PCF11: variants seen among roughly 807,000 people sequenced by gnomAD.
PCF11 encodes PCF11 cleavage and polyadenylation factor subunit, also known as pre-mRNA cleavage complex 2 protein Pcf11.
In PCF11, 19 loss-of-function variants were observed where a neutral mutation model predicts 166.1. That is an observed-to-expected ratio of 0.11 (90% CI 0.08 to 0.17). The LOEUF (loss-of-function observed/expected upper bound fraction) is 0.17. Among genes scored for constraint, PCF11 ranks in the 10% least tolerant of loss-of-function variants. PCF11 has a pLI of 1.00. For missense variants in PCF11, 1,565 were observed against 1,855.5 expected, an observed-to-expected ratio of 0.84 and a Z score of 2.88; for synonymous variants, 663 against 644.1, an observed-to-expected ratio of 1.03 and a Z score of -0.44.
At chr11:83,176,036 C>A (rs780741205) in intron 9 of PCF11, among the ~76,000 whole-genome samples, 1 of 152,124 alleles carries the variant, frequency 6.6e-6, no homozygotes, top group Non-Finnish European at 1.5e-5. Context: ...TTTCCTGTTA[C>A]GTCAGGGAGC....
chr11:83,169,740 T>A lies in PCF11; in HGVS notation c.3405T>A (p.Tyr1135Ter). ...TATCTTTCAATCAGACTGGTCCATA[T>A]AATGATCCACCTGGCAATGCTTTTA... Residue 1135 changes from tyrosine (Y) to a stop codon, truncating the protein, a stop_gained, in exon 8 of 16, where the codon TAT becomes TAA. Transcript: ENST00000298281. LOFTEE classifies it high-confidence loss of function. The A allele has an allele frequency of 6.2e-7, 1 of 1,613,932 alleles. No homozygotes were observed. Among genetic ancestry groups the A allele is most frequent in the South Asian group, 1.1e-5 (1 of 91,088 alleles).
chr11:83,177,164 A>G (rs1377913930), exon 10 of PCF11: 1 of 1,576,516 alleles, frequency 6.3e-7, no homozygotes, highest in Non-Finnish European at 8.6e-7. Flanking sequence ...TGCTAAAAAC[A>G]GGAATTCTCA....
At chr11:83,183,650 C>G (rs557825742) in intron 15 of PCF11, among the ~76,000 whole-genome samples, 3 of 152,072 alleles carry the variant, frequency 2.0e-5, no homozygotes, top group Non-Finnish European at 4.4e-5. Context: ...ACCACCACAC[C>G]TGGCTAATTT....
intron 11 of PCF11, among the ~76,000 whole-genome samples, chr11:83,178,806 G>A (rs1370672315): frequency 6.9e-6 from 1 of 145,522 alleles, no homozygotes; most frequent in African/African-American, 2.6e-5. Flanking sequence ...GAGCGAGACT[G>A]TGTCTCAAAA....
chr11:83,164,472 G>T, intron 4 of PCF11, 71 bp downstream of exon 4: 1 of 1,096,534 alleles, frequency 9.1e-7, no homozygotes, highest in East Asian at 2.6e-5. Context: ...GTTTATGTTT[G>T]AATTTTATTA....
At chr11:83,186,833 C>G (rs950719622) in exon 16 of PCF11, 2 of 152,188 alleles carry the variant, frequency 1.3e-5, no homozygotes, top group African/African-American at 4.8e-5. Flanking sequence ...GCAAAACTTC[C>G]TGTTGAACAT....
exon 16 of PCF11, chr11:83,186,244 A>G (rs2135454836): frequency 6.6e-6 from 1 of 152,368 alleles, no homozygotes; most frequent in African/African-American, 2.4e-5. Context: ...AAGTGGTGAC[A>G]TTTGAGTCTT....
Position 83,185,856 on chromosome 11 carries a change from A to G in PCF11, c.*962A>G, listed in dbSNP as rs541190802. The G allele has an allele frequency of 4.6e-5, 7 of 152,748 alleles. No individual in the cohort carries two copies. In the South Asian group the frequency reaches 1.0e-3, roughly 23 times the overall value. 9.5% of individuals were successfully genotyped at this position (152,748 alleles called of 1,614,324 possible). On this transcript the variant is annotated 3_prime_UTR_variant, in exon 16 of 16. Transcript: ENST00000298281. The stretch of plus-strand genomic sequence containing the variant: ...GAATGTGACTTTCTTGTTGTCTTTC[A>G]TCTGTTTTTTGAAACATGAACATGG...
chr11:83,168,900 G>GTTTGAGGGATCTCCAGGTGGTTTGAGA, exon 8 of PCF11: 1 of 1,613,654 alleles, frequency 6.2e-7, no homozygotes, highest in Admixed American at 1.7e-5. Flanking sequence ...CTGGTCTGAG[G>GTTTGAGGGATCTCCAGGTGGTTTGAGA]TTTGAGGGAT....
At chr11:83,181,022 T>C in exon 12 of PCF11, 2 of 1,557,742 alleles carry the variant, frequency 1.3e-6, no homozygotes, top group Non-Finnish European at 1.8e-6. Flanking sequence ...TATGACAGTG[T>C]TATAAATCGA....
Position 83,176,977 on chromosome 11 carries a change from C to T in PCF11, c.3758-108C>T, listed in dbSNP as rs961404035. ...TAGATTTTGTCAAATTTACTGTTGG[C>T]AGGACATCTTGAAGAAAACTTTGAA... On this transcript the variant is annotated intron_variant, in intron 9 of 15. Coordinates refer to ENST00000298281, the Ensembl canonical transcript of PCF11. The T allele has an allele frequency of 1.2e-5, 8 of 648,022 alleles. No individual in the cohort carries two copies. The African/African-American group carries it at 1.5e-4, about 12-fold the overall frequency. 40.1% of individuals were successfully genotyped at this position (648,022 alleles called of 1,614,324 possible).
In PCF11 at chr11:83,166,550, T is replaced by A. The variant is rs900212773; in HGVS notation, c.1653T>A (p.Asp551Glu). The change falls in exon 5 of 16, where the codon GAT (aspartate) becomes GAA (glutamate). Residue 551 changes from aspartate to glutamate, a missense_variant. Physicochemically the swap from Asp to Glu is conservative, Grantham distance 45. Coordinates refer to ENST00000298281, the Ensembl canonical transcript of PCF11. ...ATGCTAAGAGAAGTACTAAACAGGA[T>A]ATTCGGGATCCAAGGCGAATGAAAA... The A allele has an allele frequency of 2.5e-6, 4 of 1,613,802 alleles. No homozygotes were observed. In the African/African-American group the frequency reaches 5.3e-5, roughly 22 times the overall value.
intron 1 of PCF11, among the ~76,000 whole-genome samples, chr11:83,161,025 AT>A: frequency 6.6e-6 from 1 of 151,584 alleles, no homozygotes; most frequent in East Asian, 1.9e-4. Context: ...CCTCCTCCTT[AT>A]TTTTGTCACT....
chr11:83,181,807 ATT>A, intron 12 of PCF11, 45 bp from the exon 13 acceptor site: 1 of 1,420,972 alleles, frequency 7.0e-7, no homozygotes, highest in Non-Finnish European at 9.5e-7. Flanking sequence ...CACAGTAAAA[ATT>A]TAGAAATAAA....
In PCF11 at chr11:83,162,718, A is replaced by G. The variant is rs538372079; in HGVS notation, c.319-961A>G. On this transcript the variant is annotated intron_variant, in intron 2 of 15. Transcript: ENST00000298281. ...GGCTTTACTGTCTATCCTAATGTTGAAAATCTAACTCAGTTTTCCCAAGTC... is the reference window on the plus strand; with the variant it reads ...GGCTTTACTGTCTATCCTAATGTTGGAAATCTAACTCAGTTTTCCCAAGTC... 2.6e-5 allele frequency among the ~76,000 whole-genome samples: 4 copies of G among 152,330 alleles called. No homozygotes were observed. The East Asian group carries it at 5.8e-4, about 22-fold the overall frequency.
chr11:83,165,347 A>AT (rs912565567), intron 4 of PCF11, among the ~76,000 whole-genome samples: 2 of 152,038 alleles, frequency 1.3e-5, no homozygotes, highest in Admixed American at 6.5e-5. Flanking sequence ...AAGAGAAACA[A>AT]TTTTTTTTCA....
At chr11:83,174,386 G>T (rs576535828) in intron 9 of PCF11, among the ~76,000 whole-genome samples, 1 of 142,724 alleles carries the variant, frequency 7.0e-6, no homozygotes. Flanking sequence ...TATTTTTAAA[G>T]TTTTTTTTTT....
exon 1 of PCF11, chr11:83,157,571 C>A (rs1202213653): frequency 6.2e-7 from 1 of 1,613,894 alleles, no homozygotes; most frequent in South Asian, 1.1e-5. Context: ...CCATTCTAGC[C>A]GAGGAGAACC....
At chr11:83,166,607 A>C in exon 5 of PCF11, 1 of 1,613,972 alleles carries the variant, frequency 6.2e-7, no homozygotes. Flanking sequence ...AAGAAACTAC[A>C]AATCAGCATT....
Sources: gnomAD v4.1 joint callset for allele counts (sites outside exome capture counted in the v4.1 genomes callset) on GRCh38, gnomAD v4.1.1 for gene constraint, MANE v1.5 for transcripts, NCBI Gene and HGNC (gene_info 2026-07-23, HGNC 2026-07-21) for gene names.